The following SUPT7L variants were observed in gnomAD, a reference collection of about 807,000 sequenced individuals.
SUPT7L encodes the protein STAGA complex 65 subunit gamma.
In SUPT7L, 15 loss-of-function variants were observed where a neutral mutation model predicts 35.7. The ratio of observed to expected loss-of-function variants is 0.42; its 90% CI spans 0.28 to 0.65. The LOEUF (loss-of-function observed/expected upper bound fraction) is 0.65, where lower values mean the gene tolerates loss of function less well. Ranked by LOEUF, SUPT7L falls within the 30% of genes least tolerant of loss-of-function variation. SUPT7L has a pLI of 0.23. For synonymous variants in SUPT7L, 168 were observed against 186.2 expected (o/e 0.90, Z 0.79); for missense variants, 434 against 522.2 (o/e 0.83, Z 1.65).
chr2:27,653,159 ATTC>A lies in SUPT7L; in HGVS notation c.*323_*325del. ...TCTCTACAAGGTAGGTCAAAGTATG[ATTC>A]TTCTCAGTTGTACAAGATAAATGGC... On this transcript the variant is annotated 3_prime_UTR_variant, in exon 6 of 6. Transcript: ENST00000337768. The A allele has an allele frequency of 6.3e-6, 2 of 317,120 alleles. No individual in the cohort carries two copies. Among genetic ancestry groups the A allele is most frequent in the South Asian group, 7.0e-5 (2 of 28,508 alleles). The allele number at this position is 317,120 out of a possible 1,614,324, so 19.6% of individuals were successfully genotyped here.
At position 27,657,396 on chromosome 2, in the gene SUPT7L, G is replaced by C; in HGVS notation, c.693C>G (p.Leu231=). The change falls in exon 4 of 6, where the codon CTC becomes CTG. Residue 231 remains leucine (L), a synonymous_variant. Transcript: ENST00000337768. This position sits in a 1 kb window ranked among gnomAD's most constrained non-coding sequence, Gnocchi z 5.2. ...TGATGCGGTGCTGCCAGAACTTCTG[G>C]AGGGAGAGCACACTGCCAATACCCA... The part of the protein sequence containing the change: ...HEVGIGSVLS[L]QKFWQHRIKD... The C allele has an allele frequency of 6.2e-7, 1 of 1,614,244 alleles. No homozygotes were observed. Among genetic ancestry groups the C allele is most frequent in the Admixed American group, 1.7e-5 (1 of 60,036 alleles).
downstream of SUPT7L, among the ~76,000 whole-genome samples, chr2:27,646,599 C>G (rs537643597): frequency 2.6e-5 from 4 of 152,098 alleles, no homozygotes; most frequent in East Asian, 7.7e-4. Flanking sequence ...TGAGGGACTG[C>G]CCTCAAGATT....
the SUPT7L span, among the ~76,000 whole-genome samples, chr2:27,643,655 A>G: frequency 6.6e-6 from 1 of 152,286 alleles, no homozygotes; most frequent in African/African-American, 2.4e-5. The surrounding 1 kb of genome is among the most constrained non-coding windows in gnomAD (Gnocchi z 4.0). Context: ...CTGACTTTGT[A>G]TTTCATGACT....
chr2:27,646,800 G>A (rs543620552), downstream of SUPT7L, among the ~76,000 whole-genome samples: 7 of 151,460 alleles, frequency 4.6e-5, no homozygotes, highest in Non-Finnish European at 7.4e-5. Flanking sequence ...GAAAGTTATT[G>A]CTCTATATCT....
At chr2:27,643,316 A>C in the SUPT7L span, among the ~76,000 whole-genome samples, 1 of 151,838 alleles carries the variant, frequency 6.6e-6, no homozygotes, top group Admixed American at 6.6e-5. This position sits in a 1 kb window ranked among gnomAD's most constrained non-coding sequence, Gnocchi z 4.0. Context: ...TACCATGTTT[A>C]CTTTATTCTT....
rs1159598341 is a variant in SUPT7L, at chr2:27,652,245, A to G, written c.*1240T>C. 1 of 152,372 alleles carries G rather than the reference A, an allele frequency of 6.6e-6. No homozygotes were observed. Among genetic ancestry groups the G allele is most frequent in the African/African-American group, 2.4e-5 (1 of 41,462 alleles). 9.4% of individuals were successfully genotyped at this position (152,372 alleles called of 1,614,324 possible). ...AGTTACAATTGGCAAATTTAAAATT[A>G]TATGTTAAACTATAACCTCATTTGT... On this transcript the variant is annotated 3_prime_UTR_variant, in exon 6 of 6. Transcript: ENST00000337768.
rs554706578 is a variant in SUPT7L at position 27,652,316 on chromosome 2, A to G, written c.*1169T>C. The G allele has an allele frequency of 2.0e-5, 3 of 152,474 alleles. No individual in the cohort carries two copies. Among genetic ancestry groups the G allele is most frequent in the Admixed American group, 1.3e-4 (2 of 15,296 alleles). 9.4% of individuals were successfully genotyped at this position (152,474 alleles called of 1,614,324 possible). A position where few individuals can be genotyped will look rare whatever the true frequency, so the allele number is the denominator to read the frequency against. On this transcript the variant is annotated 3_prime_UTR_variant, in exon 6 of 6. Transcript: ENST00000337768. ...ATACCTGGGACATTTAAGGCATTCA[A>G]TAATGAATTAAAGCTGTGCCTTATT... is the stretch of plus-strand genomic sequence containing the variant.
At chr2:27,650,106 TC>T (rs1674453748), downstream of SUPT7L, 2 of 1,540,712 alleles carry the variant, frequency 1.3e-6, no homozygotes, top group Non-Finnish European at 1.8e-6. Context: ...TGCCCTTTTT[TC>T]CTTGCAGTTA....
chr2:27,643,611 T>C, the SUPT7L span, among the ~76,000 whole-genome samples: 5 of 152,220 alleles, frequency 3.3e-5, no homozygotes, highest in Non-Finnish European at 7.3e-5. The surrounding 1 kb of genome is among the most constrained non-coding windows in gnomAD (Gnocchi z 4.0). Context: ...TCACATGCCT[T>C]ATACTCCTTT....
At chr2:27,650,535 G>A (rs1198332957), downstream of SUPT7L, 12 of 173,312 alleles carry the variant, frequency 6.9e-5, no homozygotes, top group African/African-American at 1.9e-4. Flanking sequence ...TCAAAAGAAC[G>A]TAGTCTCCTG....
At chr2:27,649,505 C>T (rs1005655762), downstream of SUPT7L, among the ~76,000 whole-genome samples, 5 of 152,154 alleles carry the variant, frequency 3.3e-5, no homozygotes, top group African/African-American at 1.2e-4. Context: ...CCTCACCCCC[C>T]AAAACTTCCT....
intron 5 of SUPT7L, among the ~76,000 whole-genome samples, chr2:27,654,232 T>G (rs1001474477): frequency 2.0e-5 from 3 of 152,240 alleles, no homozygotes; most frequent in African/African-American, 7.2e-5. Flanking sequence ...CTACCTGGTC[T>G]TCTTTGAAGA....
At position 27,655,390 on chromosome 2, in the gene SUPT7L, C is replaced by A; in HGVS notation, c.957G>T (p.Glu319Asp). ...TTGAAGCCTGTGGTGAAGCTTCAACCTCCAGGTTAGATGGGAAGCGTTCGC... is the reference window on the plus strand; with the variant it reads ...TTGAAGCCTGTGGTGAAGCTTCAACATCCAGGTTAGATGGGAAGCGTTCGC... Reference protein sequence around the residue: ...AQSERFPSNLEVEASPQASSA... With the variant: ...AQSERFPSNLDVEASPQASSA... The change falls in exon 5 of 6, where the codon GAG becomes GAT. Residue 319 changes from glutamate (E) to aspartate (D), a missense_variant. Physicochemically the swap from Glu to Asp is conservative, Grantham distance 45. This residue lies in a region of SUPT7L where 159 missense variants were observed against 217.1 expected (regional missense o/e 0.73). Coordinates refer to ENST00000337768, the MANE Select transcript of SUPT7L (RefSeq NM_014860.3). 1 of 1,586,314 alleles carries A rather than the reference C, an allele frequency of 6.3e-7. No homozygotes were observed. The highest frequency in any genetic ancestry group is 8.6e-7 in the Non-Finnish European group (1 of 1,168,274).
chr2:27,654,707 C>T (rs552583147), intron 5 of SUPT7L, among the ~76,000 whole-genome samples: 13 of 152,250 alleles, frequency 8.5e-5, no homozygotes, highest in Admixed American at 7.8e-4. Flanking sequence ...GCTGGGACTA[C>T]GGGTGCCCAC....
chr2:27,648,378 G>C (rs1407201171), downstream of SUPT7L, among the ~76,000 whole-genome samples: 2 of 152,042 alleles, frequency 1.3e-5, no homozygotes, highest in Non-Finnish European at 2.9e-5. Context: ...AAATAGCTGG[G>C]CATGGTTACT....
At chr2:27,662,827 T>C (rs1312161863) in intron 1 of SUPT7L, among the ~76,000 whole-genome samples, 1 of 152,178 alleles carries the variant, frequency 6.6e-6, no homozygotes, top group Non-Finnish European at 1.5e-5. Flanking sequence ...TAGCCCAGGC[T>C]GGAGTGCAGT....
At chr2:27,647,839 G>A, downstream of SUPT7L, 1 of 1,601,010 alleles carries the variant, frequency 6.2e-7, no homozygotes, top group Non-Finnish European at 8.6e-7. Flanking sequence ...ACTGTAGACA[G>A]CTTATCTCCT....
chr2:27,654,286 A>G (rs1674693835), intron 5 of SUPT7L, among the ~76,000 whole-genome samples: 2 of 152,184 alleles, frequency 1.3e-5, no homozygotes, highest in Admixed American at 1.3e-4. Flanking sequence ...TGGCCCTCGC[A>G]TCTCTCTATG....
At chr2:27,654,321 T>C (rs1459747540) in intron 5 of SUPT7L, among the ~76,000 whole-genome samples, 2 of 152,236 alleles carry the variant, frequency 1.3e-5, no homozygotes, top group Non-Finnish European at 2.9e-5. Flanking sequence ...TGTTCTCTTA[T>C]GGTTATTCTT....
Sources: gnomAD v4.1 joint callset for allele counts (sites outside exome capture counted in the v4.1 genomes callset) on GRCh38, gnomAD v4.1.1 for gene constraint, gnomAD v4.1.1 regional missense constraint, Gnocchi (gnomAD v3.1) non-coding constraint, MANE v1.5 for transcripts, NCBI Gene and HGNC (gene_info 2026-07-23, HGNC 2026-07-21) for gene names.